TRAF3: variants seen among roughly 807,000 people sequenced by gnomAD.
TRAF3 encodes TNF receptor-associated factor 3.
Under a neutral mutation model 62.3 loss-of-function variants are expected in TRAF3, and 13 were observed. The observed-to-expected ratio is 0.21, with a 90% CI of 0.14 to 0.33. The LOEUF is 0.33. Ranked by LOEUF, TRAF3 falls within the 10% of genes least tolerant of loss-of-function variation. The probability of loss-of-function intolerance (pLI) is 1.00; values close to 1 mark genes in which losing one functional copy is unlikely to be tolerated. For synonymous variants in TRAF3, 269 were observed against 283.4 expected (o/e 0.95, Z 0.51); for missense variants, 440 against 741.8 (o/e 0.59, Z 4.73).
Position 102,903,033 on chromosome 14 carries a change from T to C in TRAF3, c.961-222T>C. On this transcript the variant is annotated intron_variant, in intron 10 of 11. Coordinates refer to ENST00000392745, the MANE Select transcript of TRAF3 (RefSeq NM_145725.3). The surrounding 1 kb of genome is among the most constrained non-coding windows in gnomAD (Gnocchi z 6.4). ...TGTTGTTTTCTTCCATGTGGCTTCA[T>C]GTCACCTCGAGTGCTCCCTGCCGGC... 1 of 635,892 alleles carries C rather than the reference T, an allele frequency of 1.6e-6. No homozygotes were observed. Among genetic ancestry groups the C allele is most frequent in the Middle Eastern group, 4.0e-4 (1 of 2,500 alleles). 39.4% of individuals were successfully genotyped at this position (635,892 alleles called of 1,614,324 possible). A position where few individuals can be genotyped will look rare whatever the true frequency, so the allele number is the denominator to read the frequency against.
chr14:102,811,693 G>A (rs905645978), intron 1 of TRAF3, among the ~76,000 whole-genome samples: 1 of 150,302 alleles, frequency 6.7e-6, no homozygotes, highest in Non-Finnish European at 1.5e-5. Flanking sequence ...TGCTAAGATG[G>A]GCTGACATTG....
Position 102,903,052 on chromosome 14 carries a change from T to A in TRAF3, c.961-203T>A. On this transcript the variant is annotated intron_variant, in intron 10 of 11. Transcript: ENST00000392745. This position sits in a 1 kb window ranked among gnomAD's most constrained non-coding sequence, Gnocchi z 6.4. Reference sequence around the variant, plus strand: ...GCTTCATGTCACCTCGAGTGCTCCCTGCCGGCACAAGCACTTGATCCCAGG... The same window carrying A: ...GCTTCATGTCACCTCGAGTGCTCCCAGCCGGCACAAGCACTTGATCCCAGG... 1 of 699,132 alleles carries A rather than the reference T, an allele frequency of 1.4e-6. No individual in the cohort carries two copies. The highest frequency in any genetic ancestry group is 2.6e-6 in the Non-Finnish European group (1 of 391,922). The allele number at this position is 699,132 out of a possible 1,614,324, so 43.3% of individuals were successfully genotyped here. A position where few individuals can be genotyped will look rare whatever the true frequency, so the allele number is the denominator to read the frequency against.
intron 2 of TRAF3, among the ~76,000 whole-genome samples, chr14:102,848,844 G>T (rs965488783): frequency 1.3e-5 from 2 of 152,200 alleles, no homozygotes; most frequent in Non-Finnish European, 2.9e-5. Flanking sequence ...TGGATATAGA[G>T]GCTCGATCGC....
chr14:102,824,331 C>T lies in TRAF3; in HGVS notation c.-156-6003C>T, dbSNP rs184661192. On this transcript the variant is annotated intron_variant, in intron 1 of 11. Transcript: ENST00000392745. ...CTCTTTCCTTCCTAAGACCAGATCA[C>T]ATCTGGTGGTCATGAAATGGTCTTA... Among the ~76,000 whole-genome samples, 48 of 152,352 alleles carry T rather than the reference C, an allele frequency of 3.2e-4. No homozygotes were observed. In the East Asian group the frequency reaches 8.1e-3, roughly 26 times the overall value.
chr14:102,814,324 C>T (rs1024921743), intron 1 of TRAF3, among the ~76,000 whole-genome samples: 2 of 152,052 alleles, frequency 1.3e-5, no homozygotes, highest in Admixed American at 6.6e-5. Context: ...AGTACCGTGT[C>T]GTTTTGCTTA....
intron 2 of TRAF3, among the ~76,000 whole-genome samples, chr14:102,834,544 G>A (rs1475024124): frequency 3.3e-5 from 5 of 151,938 alleles, no homozygotes; most frequent in Middle Eastern, 3.4e-3. Flanking sequence ...AAAATTAGCC[G>A]GGCGTGGTGG....
intron 1 of TRAF3, among the ~76,000 whole-genome samples, chr14:102,825,646 G>A (rs187835015): frequency 3.2e-4 from 49 of 152,370 alleles, no homozygotes; most frequent in Admixed American, 7.8e-4. Context: ...GTCACAGGAC[G>A]GACAGATCAA....
At chr14:102,864,327 T>C (rs1887856054) in intron 2 of TRAF3, among the ~76,000 whole-genome samples, 2 of 151,942 alleles carry the variant, frequency 1.3e-5, no homozygotes, top group Admixed American at 6.6e-5. Context: ...TTTTTGTATT[T>C]TTAGTAGAGA....
At chr14:102,888,255 C>T (rs542903662) in intron 7 of TRAF3, among the ~76,000 whole-genome samples, 1 of 152,354 alleles carries the variant, frequency 6.6e-6, no homozygotes, top group Non-Finnish European at 1.5e-5. Flanking sequence ...TCACCTGTCA[C>T]GTGCCTTGTG....
intron 1 of TRAF3, among the ~76,000 whole-genome samples, chr14:102,792,873 C>CCT (rs1491536969): frequency 6.6e-6 from 1 of 151,188 alleles, no homozygotes; most frequent in Non-Finnish European, 1.5e-5. Context: ...ACAAAGTCTT[C>CCT]CTTTGTCACC....
chr14:102,778,510 G>C (rs1897131991), intron 1 of TRAF3, among the ~76,000 whole-genome samples: 1 of 152,192 alleles, frequency 6.6e-6, no homozygotes, highest in Non-Finnish European at 1.5e-5. Context: ...AGCTGTTGAC[G>C]GGACCAGTTG....
chr14:102,796,581 C>T (rs1367404752), intron 1 of TRAF3, among the ~76,000 whole-genome samples: 4 of 152,202 alleles, frequency 2.6e-5, no homozygotes, highest in Non-Finnish European at 4.4e-5. Flanking sequence ...CAGCTTTGTT[C>T]ACGCAATTCT....
intron 2 of TRAF3, among the ~76,000 whole-genome samples, chr14:102,854,788 GC>G (rs1887263194): frequency 1.4e-5 from 2 of 146,384 alleles, no homozygotes; most frequent in Admixed American, 1.4e-4. Flanking sequence ...GGTGTCAGCT[GC>G]CGCACCTGGC....
At chr14:102,867,942 G>A (rs917188944) in intron 2 of TRAF3, among the ~76,000 whole-genome samples, 1 of 152,172 alleles carries the variant, frequency 6.6e-6, no homozygotes, top group African/African-American at 2.4e-5. Context: ...TGCTGCCGGC[G>A]TTCATTCCTG....
intron 1 of TRAF3, among the ~76,000 whole-genome samples, chr14:102,780,180 C>T (rs1897216445): frequency 6.6e-6 from 1 of 152,154 alleles, no homozygotes; most frequent in South Asian, 2.1e-4. Context: ...TTGCTTTCAG[C>T]AGGAGTGATG....
At chr14:102,812,097 G>C (rs71417828) in intron 1 of TRAF3, among the ~76,000 whole-genome samples, 1 of 151,470 alleles carries the variant, frequency 6.6e-6, no homozygotes, top group Non-Finnish European at 1.5e-5. Context: ...GCAGTCATCC[G>C]ACAGTGCTAT....
At chr14:102,789,978 C>T (rs1897711849) in intron 1 of TRAF3, among the ~76,000 whole-genome samples, 2 of 152,078 alleles carry the variant, frequency 1.3e-5, no homozygotes, top group African/African-American at 4.8e-5. Flanking sequence ...CAGGCACACG[C>T]CACCATGCCT....
At position 102,812,914 on chromosome 14, in the gene TRAF3, G is replaced by A. The variant is rs192369538; in HGVS notation, c.-156-17420G>A. 4.8e-3 allele frequency among the ~76,000 whole-genome samples: 720 copies of A among 150,928 alleles called. 6 individuals are homozygous for A. The highest frequency in any genetic ancestry group is 0.017 in the African/African-American group (692 of 41,184). ...GGCCTGGGCGAAAGAGCGAGACTCC[G>A]TCTCAAAAAAAAAAAAGTTGCCTTT... On this transcript the variant is annotated intron_variant, in intron 1 of 11. Coordinates refer to ENST00000392745, the MANE Select transcript of TRAF3 (RefSeq NM_145725.3).
At chr14:102,841,987 A>G (rs373195547) in intron 2 of TRAF3, among the ~76,000 whole-genome samples, 4 of 152,152 alleles carry the variant, frequency 2.6e-5, no homozygotes, top group African/African-American at 9.6e-5. Flanking sequence ...GCTCACACCT[A>G]TAATCCCAAT....
Sources: allele counts gnomAD v4.1 joint callset (sites outside exome capture counted in the v4.1 genomes callset), GRCh38; gene constraint gnomAD v4.1.1; non-coding constraint Gnocchi (gnomAD v3.1); transcripts MANE v1.5; gene names NCBI Gene and HGNC (gene_info 2026-07-23, HGNC 2026-07-21).